MAP3K7CL: variants seen among roughly 807,000 people sequenced by gnomAD.
The protein encoded by MAP3K7CL is MAP3K7 C-terminal like.
In MAP3K7CL, 16 loss-of-function variants were observed where a neutral mutation model predicts 18.6. That is an observed-to-expected ratio of 0.86 (90% CI 0.58 to 1.31). The LOEUF is 1.31. MAP3K7CL is among the 50% of genes most tolerant of loss of function. The pLI, the probability that MAP3K7CL is intolerant of heterozygous loss-of-function variation, is 0.00. For synonymous variants in MAP3K7CL, 65 were observed against 66.8 expected (o/e 0.97, Z 0.13); for missense variants, 163 against 174.4 (o/e 0.93, Z 0.37).
intron 3 of MAP3K7CL, 127 bp downstream of exon 3, chr21:29,149,377 A>G: frequency 1.3e-6 from 1 of 796,458 alleles, no homozygotes; most frequent in Non-Finnish European, 2.1e-6. Context: ...GAAGTCATCA[A>G]GGATTACATT....
chr21:29,167,845 G>A (rs1307638132), intron 4 of MAP3K7CL, among the ~76,000 whole-genome samples: 4 of 151,768 alleles, frequency 2.6e-5, no homozygotes, highest in Admixed American at 1.3e-4. Flanking sequence ...GACTACAGGC[G>A]CCCGCCACCA....
chr21:29,151,785 C>T (rs1368809635), intron 3 of MAP3K7CL, among the ~76,000 whole-genome samples: 2 of 152,244 alleles, frequency 1.3e-5, no homozygotes, highest in Admixed American at 6.5e-5. Context: ...CTCCACAAGA[C>T]TCACAGTAGC....
At chr21:29,158,099 TC>T (rs2087452076) in intron 3 of MAP3K7CL, among the ~76,000 whole-genome samples, 1 of 152,168 alleles carries the variant, frequency 6.6e-6, no homozygotes, top group Admixed American at 6.5e-5. Flanking sequence ...AGGAGGCAAA[TC>T]CTTTAACAGG....
chr21:29,126,232 T>C (rs1330104361), upstream of MAP3K7CL, among the ~76,000 whole-genome samples: 1 of 152,224 alleles, frequency 6.6e-6, no homozygotes, highest in Non-Finnish European at 1.5e-5. Context: ...TGGCAAATTA[T>C]AGTCTGCAGG....
At chr21:29,085,721 A>G (rs1411650338), upstream of MAP3K7CL, 1 of 752,474 alleles carries the variant, frequency 1.3e-6, no homozygotes, top group South Asian at 1.7e-5. Flanking sequence ...TGTATTTAAC[A>G]TTAATTGAAT....
At chr21:29,096,595 C>A (rs996330981) in intron 4 of MAP3K7CL, among the ~76,000 whole-genome samples, 62 of 152,156 alleles carry the variant, frequency 4.1e-4, no homozygotes, top group African/African-American at 1.5e-3. Flanking sequence ...AGATTGTGTT[C>A]AAGTATGGTT....
chr21:29,153,960 A>T (rs2087339427), intron 3 of MAP3K7CL, among the ~76,000 whole-genome samples: 1 of 152,214 alleles, frequency 6.6e-6, no homozygotes, highest in East Asian at 1.9e-4. Flanking sequence ...AATGAGAAAT[A>T]TGTTTTATTG....
At chr21:29,100,879 A>AT (rs1000810650) in intron 4 of MAP3K7CL, among the ~76,000 whole-genome samples, 5 of 151,422 alleles carry the variant, frequency 3.3e-5, no homozygotes, top group Admixed American at 2.0e-4. Context: ...CACCTGGCTA[A>AT]TTTTTTGTAT....
intron 1 of MAP3K7CL, among the ~76,000 whole-genome samples, chr21:29,080,304 C>T (rs2085814745): frequency 6.6e-6 from 1 of 152,190 alleles, no homozygotes; most frequent in African/African-American, 2.4e-5. Flanking sequence ...TACAAATAAG[C>T]CTCCACCAAT....
chr21:29,159,888 T>G (rs2087501191), intron 3 of MAP3K7CL, 53 bp from the exon 4 acceptor site: 1 of 1,427,736 alleles, frequency 7.0e-7, no homozygotes, highest in Non-Finnish European at 9.7e-7. Context: ...AAATGGTTGG[T>G]AATTTATCCT....
At chr21:29,127,245 A>C (rs1478995737), upstream of MAP3K7CL, among the ~76,000 whole-genome samples, 3 of 152,248 alleles carry the variant, frequency 2.0e-5, no homozygotes, top group Non-Finnish European at 2.9e-5. Flanking sequence ...AATATTATTG[A>C]AAATAACTTT....
chr21:29,112,998 C>T (rs1455671491), intron 4 of MAP3K7CL, among the ~76,000 whole-genome samples: 3 of 152,048 alleles, frequency 2.0e-5, no homozygotes, highest in Non-Finnish European at 2.9e-5. Context: ...TTAGTAGAGA[C>T]GGGTTTTGCC....
chr21:29,141,055 G>T (rs2086995800), intron 2 of MAP3K7CL, among the ~76,000 whole-genome samples: 1 of 152,208 alleles, frequency 6.6e-6, no homozygotes, highest in African/African-American at 2.4e-5. Flanking sequence ...GAGATTATGG[G>T]CATAAGCCAC....
At chr21:29,166,134 T>A (rs1051342532) in intron 4 of MAP3K7CL, among the ~76,000 whole-genome samples, 1 of 152,166 alleles carries the variant, frequency 6.6e-6, no homozygotes, top group Admixed American at 6.5e-5. Context: ...ATGTACTCAC[T>A]GAATAACCCC....
chr21:29,130,624 CT>C, upstream of MAP3K7CL: 1 of 985,416 alleles, frequency 1.0e-6, no homozygotes, highest in South Asian at 4.7e-5. Context: ...TTCTTTTGCT[CT>C]TGCTTTTTCT....
chr21:29,170,313 A>G (rs901849225), intron 4 of MAP3K7CL, among the ~76,000 whole-genome samples: 1 of 152,220 alleles, frequency 6.6e-6, no homozygotes, highest in Non-Finnish European at 1.5e-5. Flanking sequence ...AGAAGAAATT[A>G]TTATTGACTT....
intron 4 of MAP3K7CL, among the ~76,000 whole-genome samples, chr21:29,169,935 A>G (rs577537461): frequency 6.6e-6 from 1 of 152,300 alleles, no homozygotes; most frequent in East Asian, 1.9e-4. Context: ...GTGGAAAGCT[A>G]TGTTACAGAT....
At chr21:29,149,056 A>T in intron 2 of MAP3K7CL, 133 bp from the exon 3 acceptor site, 3 of 777,376 alleles carry the variant, frequency 3.9e-6, no homozygotes, top group Non-Finnish European at 6.5e-6. Flanking sequence ...TGTCCTTTAC[A>T]TTCTGTCTGT....
upstream of MAP3K7CL, among the ~76,000 whole-genome samples, chr21:29,077,138 T>C (rs2085762513): frequency 6.6e-6 from 1 of 152,230 alleles, no homozygotes; most frequent in East Asian, 1.9e-4. Flanking sequence ...CTTCACCCAG[T>C]GGATCACGCA....
Sources: gnomAD v4.1 joint callset for allele counts (sites outside exome capture counted in the v4.1 genomes callset) on GRCh38, gnomAD v4.1.1 for gene constraint, MANE v1.5 for transcripts, NCBI Gene and HGNC (gene_info 2026-07-23, HGNC 2026-07-21) for gene names.